PANK3: variants seen among roughly 807,000 people sequenced by gnomAD.
The protein encoded by PANK3 is hPanK3.
A neutral mutation model predicts 39.4 loss-of-function variants in PANK3; 20 were observed. That is an observed-to-expected ratio of 0.51 (90% confidence interval 0.36 to 0.74). PANK3 has a LOEUF of 0.74. Ranked by LOEUF, PANK3 falls within the 30% of genes least tolerant of loss-of-function variation. PANK3 has a pLI of 0.00. For synonymous variants in PANK3, 140 were observed against 157.3 expected (o/e 0.89, Z 0.82); for missense variants, 265 against 437.0 (o/e 0.61, Z 3.51).
chr5:168,557,923 T>C (rs1207327313), intron 6 of PANK3, among the ~76,000 whole-genome samples: 2 of 152,158 alleles, frequency 1.3e-5, no homozygotes, highest in African/African-American at 2.4e-5. Context: ...GCCTCTTGAA[T>C]AGCTGGGACT....
rs1339064773 is a variant in PANK3, at chr5:168,553,570, CTCTT to C, written c.*3997_*4000del. 2 of 301,338 alleles carry C rather than the reference CTCTT, an allele frequency of 6.6e-6. No individual in the cohort carries two copies. The highest frequency in any genetic ancestry group is 4.4e-5 in the African/African-American group (2 of 45,446). The allele number at this position is 301,338 out of a possible 1,614,324, so 18.7% of individuals were successfully genotyped here. On this transcript the variant is annotated 3_prime_UTR_variant, in exon 7 of 7. Transcript: ENST00000239231. ...CCTCAGAGGGAGAGTCTTCTGACCT[CTCTT>C]TCAAAGTGTAACTGAGAAAGTCCTG...
chr5:168,561,260 G>C (rs1582462381), intron 5 of PANK3, 133 bp downstream of exon 5: 1 of 664,294 alleles, frequency 1.5e-6, no homozygotes, highest in Non-Finnish European at 2.4e-6. Context: ...TACCTAATGA[G>C]TCTTGGCATT....
chr5:168,570,273 T>G (rs1004983580), intron 1 of PANK3, among the ~76,000 whole-genome samples: 4 of 150,740 alleles, frequency 2.7e-5, no homozygotes, highest in African/African-American at 7.3e-5. Flanking sequence ...TAGTCCCAGC[T>G]ACTCTGGAGG....
At position 168,554,928 on chromosome 5, in the gene PANK3, T is replaced by C. The variant is rs1759326279; in HGVS notation, c.*2643A>G. On this transcript the variant is annotated 3_prime_UTR_variant, in exon 7 of 7. Transcript: ENST00000239231. ...TAATGTGAACTATGATTCATATATT[T>C]TATCCTTTCAAACTGAAATTACCTG... is the stretch of plus-strand genomic sequence containing the variant. 1.3e-5 allele frequency: 2 copies of C among 152,228 alleles called. No individual in the cohort carries two copies. The highest frequency in any genetic ancestry group is 2.9e-5 in the Non-Finnish European group (2 of 68,046). 9.4% of individuals were successfully genotyped at this position (152,228 alleles called of 1,614,324 possible). A position where few individuals can be genotyped will look rare whatever the true frequency, so the allele number is the denominator to read the frequency against.
At chr5:168,569,285 C>T (rs1217628524) in intron 1 of PANK3, among the ~76,000 whole-genome samples, 3 of 147,820 alleles carry the variant, frequency 2.0e-5, no homozygotes, top group Non-Finnish European at 4.5e-5. Context: ...CCCGGGTTCA[C>T]GCCATTCTCC....
intron 1 of PANK3, among the ~76,000 whole-genome samples, chr5:168,577,320 G>GT (rs1249005527): frequency 3.9e-5 from 6 of 152,134 alleles, no homozygotes; most frequent in African/African-American, 1.4e-4. Context: ...CTACACCATA[G>GT]TAACTGACCA....
intron 4 of PANK3, 37 bp from the exon 5 acceptor site, chr5:168,561,553 TA>T (rs1759448683): frequency 6.6e-7 from 1 of 1,519,694 alleles, no homozygotes; most frequent in Non-Finnish European, 8.8e-7. Flanking sequence ...AATCTGCTGA[TA>T]AAAAGCAACA....
Position 168,554,009 on chromosome 5 carries a change from G to A in PANK3, c.*3562C>T, listed in dbSNP as rs2113098756. The A allele has an allele frequency of 6.6e-6, 1 of 152,330 alleles. No homozygotes were observed. Among genetic ancestry groups the A allele is most frequent in the South Asian group, 2.1e-4 (1 of 4,824 alleles). The allele number at this position is 152,330 out of a possible 1,614,324, so 9.4% of individuals were successfully genotyped here. Reference sequence around the variant, plus strand: ...TAGATGAGCTATTTTGAAACTTTGTGGGAGTCTGAGGCAATACTGCAGAAT... The same window carrying A: ...TAGATGAGCTATTTTGAAACTTTGTAGGAGTCTGAGGCAATACTGCAGAAT... On this transcript the variant is annotated 3_prime_UTR_variant, in exon 7 of 7. Coordinates refer to ENST00000239231, the MANE Select transcript of PANK3 (RefSeq NM_024594.4).
Position 168,561,465 on chromosome 5 carries a change from A to C in PANK3, c.864T>G (p.Asp288Glu), listed in dbSNP as rs766341233. The C allele has an allele frequency of 1.2e-6, 2 of 1,603,902 alleles. No homozygotes were observed. Among genetic ancestry groups the C allele is most frequent in the South Asian group, 2.2e-5 (2 of 89,824 alleles). The change falls in exon 5 of 7, where the codon GAT becomes GAG. Residue 288 changes from aspartate to glutamate, a missense_variant. Around this residue, in one of 3 missense-constraint regions of PANK3, gnomAD observed 110 missense variants for 161.2 expected, o/e 0.68. Coordinates refer to ENST00000239231, the MANE Select transcript of PANK3 (RefSeq NM_024594.4). ...KEKRESVSKE[D>E]LARATLVTIT... ...TAGTAACTAAAGTAGCTCTTGCCAG[A>C]TCTTCTTTACTAACAGATTCTCGCT... is the stretch of plus-strand genomic sequence containing the variant.
chr5:168,553,465 A>C lies in PANK3; in HGVS notation c.*4106T>G, dbSNP rs899858898. On this transcript the variant is annotated 3_prime_UTR_variant, in exon 7 of 7. Coordinates refer to ENST00000239231, the MANE Select transcript of PANK3 (RefSeq NM_024594.4). ...CTGCACCTGCCAAAGTGGTTGACAA[A>C]GAGTGCAACAGAAAGGAGCCAATCA... 35 of 387,876 alleles carry C rather than the reference A, an allele frequency of 9.0e-5. No homozygotes were observed. The highest frequency in any genetic ancestry group is 1.4e-4 in the Non-Finnish European group (27 of 192,360). The allele number at this position is 387,876 out of a possible 1,614,324, so 24.0% of individuals were successfully genotyped here.
Position 168,556,033 on chromosome 5 carries a change from T to C in PANK3, c.*1538A>G, listed in dbSNP as rs1011435794. 1 of 152,206 alleles carries C rather than the reference T, an allele frequency of 6.6e-6. No homozygotes were observed. The highest frequency in any genetic ancestry group is 1.5e-5 in the Non-Finnish European group (1 of 68,042). 9.4% of individuals were successfully genotyped at this position (152,206 alleles called of 1,614,324 possible). On this transcript the variant is annotated 3_prime_UTR_variant, in exon 7 of 7. Coordinates refer to ENST00000239231, the MANE Select transcript of PANK3 (RefSeq NM_024594.4). ...TAACATTGCCTCTGCTGAGTGGAAT[T>C]TGCATTCGTTACTTCAAAATTCAGA...
chr5:168,574,322 A>C (rs556392576), intron 1 of PANK3, among the ~76,000 whole-genome samples: 4 of 151,936 alleles, frequency 2.6e-5, no homozygotes, highest in African/African-American at 9.7e-5. Context: ...TCTTCTTTTG[A>C]GAAGTGTCTG....
In PANK3 at chr5:168,565,857, T is replaced by TAAAAAAA. The variant is rs33910263; in HGVS notation, c.635+149_635+155dup. ...GGGCAACATGGCACCCTCTTTCACT[T>TAAAAAAA]AAAAAAAAAAAATATATATATATAT... On this transcript the variant is annotated intron_variant, in intron 3 of 6. Coordinates refer to ENST00000239231, the MANE Select transcript of PANK3 (RefSeq NM_024594.4). 1.3e-3 allele frequency among the ~76,000 whole-genome samples: 137 copies of TAAAAAAA among 104,234 alleles called. 4 individuals are homozygous for TAAAAAAA. The East Asian group carries it at 0.044, about 33-fold the overall frequency. 68.4% of individuals were successfully genotyped at this position (104,234 alleles called of 152,430 possible). A position where few individuals can be genotyped will look rare whatever the true frequency, so the allele number is the denominator to read the frequency against.
intron 2 of PANK3, among the ~76,000 whole-genome samples, chr5:168,568,021 CTT>C (rs975484518): frequency 5.3e-5 from 8 of 152,218 alleles, no homozygotes; most frequent in African/African-American, 1.9e-4. Flanking sequence ...GCAAACCACT[CTT>C]TGAACTCTCA....
Position 168,566,118 on chromosome 5 carries a change from A to C in PANK3, c.530T>G (p.Phe177Cys). ...CAGTGGATAGGGATCATCCAGGTTA[A>C]AAGGCATCTTTTGGCATCGCTCAGG... ...SEPERCQKMP[F>C]NLDDPYPLLV... is the part of the protein sequence containing the mutation. Residue 177 changes from phenylalanine to cysteine, a missense_variant, in exon 3 of 7, where the codon TTT (phenylalanine) becomes TGT (cysteine). Phe to Cys is a radical substitution (Grantham distance 205). Transcript: ENST00000239231. 1.2e-6 allele frequency: 2 copies of C among 1,613,922 alleles called. No homozygotes were observed. The highest frequency in any genetic ancestry group is 1.7e-6 in the Non-Finnish European group (2 of 1,179,976).
Position 168,549,552 on chromosome 5 carries a change from T to C in PANK3, c.*8019A>G, listed in dbSNP as rs928763872. On this transcript the variant is annotated 3_prime_UTR_variant, in exon 7 of 7. Transcript: ENST00000239231. ...TACAACTGAATTAGTTGCATATTTA[T>C]ACCATTCAAAATCTTGATTTTAACC... The C allele has an allele frequency of 1.3e-5, 2 of 152,356 alleles. No individual in the cohort carries two copies. The highest frequency in any genetic ancestry group is 4.8e-5 in the African/African-American group (2 of 41,598). 9.4% of individuals were successfully genotyped at this position (152,356 alleles called of 1,614,324 possible). A position where few individuals can be genotyped will look rare whatever the true frequency, so the allele number is the denominator to read the frequency against.
Position 168,566,174 on chromosome 5 carries a change from G to T in PANK3, c.474C>A (p.Ala158=), listed in dbSNP as rs368980213. ...YIDSVSFNGQ[A]ECYYFANASE... is the part of the protein sequence containing the mutation. ...AGGCATTAGCAAAATAATAGCACTCGGCTTGTCCATTGAAACTGACAGAGT... is the reference window on the plus strand; with the variant it reads ...AGGCATTAGCAAAATAATAGCACTCTGCTTGTCCATTGAAACTGACAGAGT... Residue 158 remains alanine (A), a synonymous_variant, in exon 3 of 7, where the codon GCC becomes GCA. Transcript: ENST00000239231. 6 of 1,613,742 alleles carry T rather than the reference G, an allele frequency of 3.7e-6. No homozygotes were observed. The highest frequency in any genetic ancestry group is 8.5e-7 in the Non-Finnish European group (1 of 1,179,974).
In PANK3 at chr5:168,566,213, G is replaced by A. The variant is rs1310427390; in HGVS notation, c.435C>T (p.Gly145=). The part of the protein sequence containing the change: ...KLDELDCLVK[G]LLYIDSVSFN... ...AACTGACAGAGTCTATATACAGCAA[G>A]CCCTTTACAAGGCAGTCAAGTTCAT... The change falls in exon 3 of 7, where the codon GGC becomes GGT. Residue 145 remains glycine (G), a synonymous_variant. Transcript: ENST00000239231. 2.5e-6 allele frequency: 4 copies of A among 1,613,210 alleles called. No homozygotes were observed.
chr5:168,579,194 G>A, intron 1 of PANK3, 62 bp downstream of exon 1: 1 of 1,426,180 alleles, frequency 7.0e-7, no homozygotes, highest in African/African-American at 1.5e-5. Flanking sequence ...CCCAGCCAAG[G>A]GGCTTTCAGA....
Sources: gnomAD v4.1 joint callset for allele counts (sites outside exome capture counted in the v4.1 genomes callset) on GRCh38, gnomAD v4.1.1 for gene constraint, gnomAD v4.1.1 regional missense constraint, MANE v1.5 for transcripts, NCBI Gene and HGNC (gene_info 2026-07-23, HGNC 2026-07-21) for gene names.